The following CCDC85A variants were observed in gnomAD, a reference collection of about 807,000 sequenced individuals.
The protein encoded by CCDC85A is coiled-coil domain containing 85A.
In CCDC85A, 38 loss-of-function variants were observed where a neutral mutation model predicts 50.2. The ratio of observed to expected loss-of-function variants is 0.76; its 90% CI spans 0.58 to 0.99. CCDC85A has a LOEUF of 0.99. CCDC85A is among the 50% of genes least tolerant of loss of function. The pLI is 0.00. For synonymous variants in CCDC85A, 366 were observed against 301.4 expected (o/e 1.21, Z -2.22); for missense variants, 820 against 742.0 (o/e 1.11, Z -1.22).
chr2:56,295,335 G>T (rs1381669899), intron 2 of CCDC85A, among the ~76,000 whole-genome samples: 1 of 151,998 alleles, frequency 6.6e-6, no homozygotes, highest in African/African-American at 2.4e-5. Flanking sequence ...TTTTGTAGTG[G>T]GACTTAAATC....
intron 3 of CCDC85A, among the ~76,000 whole-genome samples, chr2:56,345,423 C>T (rs10460559): frequency 6.6e-6 from 1 of 152,082 alleles, no homozygotes; most frequent in Non-Finnish European, 1.5e-5. Context: ...ATTTACTTGT[C>T]AAAGTAATTT....
chr2:56,328,637 A>G (rs1673597708), intron 2 of CCDC85A, among the ~76,000 whole-genome samples: 1 of 152,200 alleles, frequency 6.6e-6, no homozygotes, highest in South Asian at 2.1e-4. Flanking sequence ...TTTGGTTTCA[A>G]ACCCCAGTTG....
In CCDC85A at chr2:56,384,432, T is replaced by G; in HGVS notation, c.*77T>G. 1.5e-6 allele frequency: 2 copies of G among 1,299,826 alleles called. No homozygotes were observed. 80.5% of individuals were successfully genotyped at this position (1,299,826 alleles called of 1,614,324 possible). A position where few individuals can be genotyped will look rare whatever the true frequency, so the allele number is the denominator to read the frequency against. On this transcript the variant is annotated 3_prime_UTR_variant, in exon 6 of 6. Coordinates refer to ENST00000407595, the MANE Select transcript of CCDC85A (RefSeq NM_001080433.2). ...ACAAGAAGAAAAAGGAAAGAGTGGG[T>G]TTCCACAAACCTGGACTCATGGAAT...
At chr2:56,354,776 G>C (rs1675137116) in intron 3 of CCDC85A, among the ~76,000 whole-genome samples, 1 of 152,110 alleles carries the variant, frequency 6.6e-6, no homozygotes, top group Admixed American at 6.6e-5. Context: ...CACTACTTAG[G>C]GGCCTTCAAT....
At chr2:56,345,002 G>A (rs1246604815) in intron 3 of CCDC85A, among the ~76,000 whole-genome samples, 1 of 152,064 alleles carries the variant, frequency 6.6e-6, no homozygotes, top group Non-Finnish European at 1.5e-5. Context: ...GAAAGTGAGT[G>A]TTAGAAGTCT....
chr2:56,237,613 CT>C (rs1016524722), intron 2 of CCDC85A, among the ~76,000 whole-genome samples: 2 of 152,124 alleles, frequency 1.3e-5, no homozygotes, highest in African/African-American at 4.8e-5. Context: ...GGAAACTGAA[CT>C]TGAGAGGTTA....
At chr2:56,191,501 C>T (rs1342739003) in intron 1 of CCDC85A, among the ~76,000 whole-genome samples, 1 of 152,116 alleles carries the variant, frequency 6.6e-6, no homozygotes, top group Non-Finnish European at 1.5e-5. Flanking sequence ...ATCCTAAGGG[C>T]CATGAGATTA....
intron 2 of CCDC85A, among the ~76,000 whole-genome samples, chr2:56,341,160 C>T (rs772669395): frequency 6.6e-6 from 1 of 152,158 alleles, no homozygotes; most frequent in Non-Finnish European, 1.5e-5. Flanking sequence ...TTGAGGCATT[C>T]TTCCCTTAGC....
chr2:56,223,633 A>G (rs1668421403), intron 2 of CCDC85A, among the ~76,000 whole-genome samples: 1 of 152,194 alleles, frequency 6.6e-6, no homozygotes, highest in African/African-American at 2.4e-5. Context: ...CCAAACTAAC[A>G]TATAACTGCA....
intron 2 of CCDC85A, among the ~76,000 whole-genome samples, chr2:56,223,808 A>T (rs1668430408): frequency 6.6e-6 from 1 of 152,112 alleles, no homozygotes; most frequent in Non-Finnish European, 1.5e-5. Context: ...TACATTGGAG[A>T]TTTGAAAAGA....
chr2:56,281,619 A>C (rs72927158), intron 2 of CCDC85A, among the ~76,000 whole-genome samples: 1,851 of 152,220 alleles, frequency 0.012, 44 homozygotes, highest in African/African-American at 0.04. Context: ...TAGCCATTCT[A>C]GTGGGTATAT....
chr2:56,254,779 C>A (rs1238455920), intron 2 of CCDC85A, among the ~76,000 whole-genome samples: 1 of 152,130 alleles, frequency 6.6e-6, no homozygotes, highest in African/African-American at 2.4e-5. Flanking sequence ...AGAGGCTTCC[C>A]TGAAGAAGTG....
At chr2:56,186,698 T>C (rs1020640472) in intron 1 of CCDC85A, among the ~76,000 whole-genome samples, 1 of 152,212 alleles carries the variant, frequency 6.6e-6, no homozygotes, top group Non-Finnish European at 1.5e-5. Flanking sequence ...CACTTGAAAG[T>C]TCCTTTAGGT....
chr2:56,266,578 G>GACC (rs71393521), intron 2 of CCDC85A, among the ~76,000 whole-genome samples: 2 of 60,304 alleles, frequency 3.3e-5, no homozygotes, highest in African/African-American at 5.2e-5. Context: ...ACAATAACGC[G>GACC]CCCCCCCCCC....
intron 3 of CCDC85A, among the ~76,000 whole-genome samples, chr2:56,349,285 A>G (rs2104339039): frequency 6.6e-6 from 1 of 152,314 alleles, no homozygotes. Flanking sequence ...CTAAATTGAC[A>G]TAATTTATAT....
intron 3 of CCDC85A, among the ~76,000 whole-genome samples, chr2:56,350,016 G>C (rs1009817576): frequency 6.6e-6 from 1 of 151,204 alleles, no homozygotes; most frequent in Admixed American, 6.6e-5. Context: ...AAAAAAAATG[G>C]AAAGGGAATT....
chr2:56,372,751 G>GT (rs1676140846), intron 4 of CCDC85A, among the ~76,000 whole-genome samples: 1 of 152,198 alleles, frequency 6.6e-6, no homozygotes, highest in African/African-American at 2.4e-5. Context: ...GATAAAAGGA[G>GT]TTTAGGTCAG....
At chr2:56,362,808 G>A (rs1383074082) in intron 3 of CCDC85A, among the ~76,000 whole-genome samples, 1 of 151,786 alleles carries the variant, frequency 6.6e-6, no homozygotes, top group African/African-American at 2.4e-5. Flanking sequence ...TTTTTTAGTG[G>A]AGACTGGGTT....
chr2:56,379,647 G>C (rs1390259407), intron 5 of CCDC85A: 5 of 182,084 alleles, frequency 2.7e-5, no homozygotes, highest in African/African-American at 1.2e-4. Context: ...TGCAGACATG[G>C]AGAAAACTAA....
Sources: allele counts gnomAD v4.1 joint callset (sites outside exome capture counted in the v4.1 genomes callset), GRCh38; gene constraint gnomAD v4.1.1; transcripts MANE v1.5; gene names NCBI Gene and HGNC (gene_info 2026-07-23, HGNC 2026-07-21).